The following MTRF1 variants were observed in gnomAD, a reference collection of about 807,000 sequenced individuals.
MTRF1 encodes the protein mitochondrial translation release factor 1.
In MTRF1, 51 loss-of-function variants were observed where a neutral mutation model predicts 62.9. The ratio of observed to expected loss-of-function variants is 0.81; its 90% CI spans 0.65 to 1.02. The LOEUF (loss-of-function observed/expected upper bound fraction) is 1.02. Ranked by LOEUF, MTRF1 falls within the 50% of genes least tolerant of loss-of-function variation. The pLI, the probability that MTRF1 is intolerant of heterozygous loss-of-function variation, is 0.00. For missense variants in MTRF1, 446 were observed against 530.0 expected (o/e 0.84, Z 1.56); for synonymous variants, 158 against 181.9 (o/e 0.87, Z 1.06).
At chr13:41,273,186 C>T in the MTRF1 span, among the ~76,000 whole-genome samples, 39 of 151,966 alleles carry the variant, frequency 2.6e-4, no homozygotes, top group Admixed American at 4.6e-4. Context: ...ATTAGCTGGG[C>T]GTGGTGGTGG....
chr13:41,260,398 T>C (rs2040306619), intron 2 of MTRF1, 95 bp downstream of exon 2: 1 of 1,199,948 alleles, frequency 8.3e-7, no homozygotes, highest in Non-Finnish European at 1.2e-6. Flanking sequence ...AGCTTTAACT[T>C]AGAAAATCAA....
chr13:41,310,224 C>T, the MTRF1 span, among the ~76,000 whole-genome samples: 1 of 152,192 alleles, frequency 6.6e-6, no homozygotes, highest in Non-Finnish European at 1.5e-5. Flanking sequence ...ACATTACCAT[C>T]AATATGCTGC....
chr13:41,282,436 A>G, the MTRF1 span, among the ~76,000 whole-genome samples: 8 of 152,340 alleles, frequency 5.3e-5, no homozygotes, highest in Admixed American at 5.2e-4. Flanking sequence ...TGGGCGACAG[A>G]GCAGAACCCT....
the MTRF1 span, among the ~76,000 whole-genome samples, chr13:41,271,943 T>A: frequency 1.3e-5 from 2 of 152,256 alleles, no homozygotes; most frequent in Middle Eastern, 6.8e-3. Flanking sequence ...ATCAGGATCC[T>A]TAAACAACAA....
the MTRF1 span, among the ~76,000 whole-genome samples, chr13:41,283,209 TTC>T: frequency 6.6e-6 from 1 of 152,216 alleles, no homozygotes; most frequent in Non-Finnish European, 1.5e-5. Context: ...GGGAAAAGTT[TTC>T]TCTGTTTATC....
At chr13:41,294,623 G>T in the MTRF1 span, among the ~76,000 whole-genome samples, 3 of 152,000 alleles carry the variant, frequency 2.0e-5, no homozygotes, top group African/African-American at 7.2e-5. Flanking sequence ...AAAAAGAAAA[G>T]ATAATAATGT....
intron 5 of MTRF1, among the ~76,000 whole-genome samples, chr13:41,241,556 T>C (rs1233418686): frequency 6.6e-6 from 1 of 152,196 alleles, no homozygotes; most frequent in Non-Finnish European, 1.5e-5. Flanking sequence ...CTGACTTTTA[T>C]TCCTTTCTTT....
At chr13:41,287,166 G>C in the MTRF1 span, among the ~76,000 whole-genome samples, 1 of 152,180 alleles carries the variant, frequency 6.6e-6, no homozygotes, top group Admixed American at 6.5e-5. Flanking sequence ...TATTTATAAA[G>C]AAAAGAGGTT....
At chr13:41,287,926 TCTC>T in the MTRF1 span, 85 of 425,576 alleles carry the variant, frequency 2.0e-4, 1 homozygote, top group African/African-American at 1.6e-3. Flanking sequence ...GTCAGCTTCT[TCTC>T]CTTCAGTTTC....
At chr13:41,272,494 C>T in the MTRF1 span, among the ~76,000 whole-genome samples, 1 of 152,138 alleles carries the variant, frequency 6.6e-6, no homozygotes, top group African/African-American at 2.4e-5. Flanking sequence ...GGAATTCTCA[C>T]TCAGATTAGA....
At chr13:41,305,202 A>G in the MTRF1 span, among the ~76,000 whole-genome samples, 1 of 152,292 alleles carries the variant, frequency 6.6e-6, no homozygotes, top group South Asian at 2.1e-4. Flanking sequence ...GACTACAGGC[A>G]TATGCCACTA....
intron 1 of MTRF1, chr13:41,263,274 C>T (rs561774511): frequency 3.1e-6 from 4 of 1,289,266 alleles, no homozygotes; most frequent in African/African-American, 3.0e-5. Context: ...GTTAACTACA[C>T]CTGAGAACAG....
chr13:41,285,751 T>C, the MTRF1 span, among the ~76,000 whole-genome samples: 5 of 152,122 alleles, frequency 3.3e-5, no homozygotes, highest in South Asian at 2.1e-4. Flanking sequence ...TCCTTTTTGA[T>C]TGCATGAAGT....
rs1321687083 is a variant in MTRF1, at chr13:41,252,768, A to G, written c.590-16T>C. 1.2e-6 allele frequency: 2 copies of G among 1,607,162 alleles called. No individual in the cohort carries two copies. Among genetic ancestry groups the G allele is most frequent in the African/African-American group, 2.7e-5 (2 of 74,728 alleles). The stretch of plus-strand genomic sequence containing the variant: ...CAGATGTCACCTAAAACAAAATACG[A>G]AAAATATTTAGTCAGGACAAATTTC... On this transcript the variant is annotated splice_polypyrimidine_tract_variant and intron_variant, in intron 4 of 9. Coordinates refer to ENST00000379480, the MANE Select transcript of MTRF1 (RefSeq NM_004294.4).
At chr13:41,279,763 T>C in the MTRF1 span, among the ~76,000 whole-genome samples, 1 of 152,116 alleles carries the variant, frequency 6.6e-6, no homozygotes, top group Admixed American at 6.6e-5. Context: ...AAATCCACAT[T>C]CTATAGAAAA....
chr13:41,244,496 C>G (rs927841799), intron 5 of MTRF1, among the ~76,000 whole-genome samples: 1 of 152,164 alleles, frequency 6.6e-6, no homozygotes, highest in African/African-American at 2.4e-5. Flanking sequence ...TTGTCACAGG[C>G]AGCCTCAAGG....
At chr13:41,303,495 T>C in the MTRF1 span, among the ~76,000 whole-genome samples, 4 of 152,332 alleles carry the variant, frequency 2.6e-5, no homozygotes, top group South Asian at 6.2e-4. Context: ...CAGAATTATC[T>C]AGATAATCTA....
the MTRF1 span, chr13:41,311,698 C>A: frequency 2.1e-6 from 2 of 946,762 alleles, no homozygotes; most frequent in South Asian, 1.5e-5. Context: ...GCCCACCGCT[C>A]TTTGTTTACC....
At chr13:41,279,840 T>G in the MTRF1 span, among the ~76,000 whole-genome samples, 1 of 152,178 alleles carries the variant, frequency 6.6e-6, no homozygotes, top group African/African-American at 2.4e-5. Flanking sequence ...AGAGGCACCC[T>G]TTTAGGTCTG....
Sources: allele counts gnomAD v4.1 joint callset (sites outside exome capture counted in the v4.1 genomes callset), GRCh38; gene constraint gnomAD v4.1.1; transcripts MANE v1.5; gene names NCBI Gene and HGNC (gene_info 2026-07-23, HGNC 2026-07-21).